The following ELN variants were observed in gnomAD, a reference collection of about 807,000 sequenced individuals.
ELN encodes the protein elastin.
In ELN, 65 loss-of-function variants were observed where a neutral mutation model predicts 105.8. The observed-to-expected ratio is 0.61, with a 90% CI of 0.50 to 0.75. The LOEUF is 0.75. ELN is among the 30% of genes least tolerant of loss of function. The pLI, the probability that ELN is intolerant of heterozygous loss-of-function variation, is 0.00. For missense variants in ELN, 882 were observed against 969.4 expected (o/e 0.91, Z 1.20); for synonymous variants, 368 against 389.2 (o/e 0.95, Z 0.64).
At chr7:74,067,285 TG>T (rs1798164013) in intron 32 of ELN, among the ~76,000 whole-genome samples, 1 of 148,964 alleles carries the variant, frequency 6.7e-6, no homozygotes, top group African/African-American at 2.5e-5. Flanking sequence ...TTTTTTTTTT[TG>T]AGATGGAGTC....
At position 74,060,458 on chromosome 7, in the gene ELN, T is replaced by A. The variant is rs955088925; in HGVS notation, c.1704T>A (p.Val568=). The change falls in exon 25 of 33, where the codon GTT becomes GTA. Residue 568 remains valine (V), a synonymous_variant. Coordinates refer to ENST00000252034, the MANE Select transcript of ELN (RefSeq NM_000501.4). ...GVPGLGVGAG[V]PGLGVGAGVP... is the part of the protein sequence containing the mutation. The stretch of plus-strand genomic sequence containing the variant: ...CTGGACTTGGAGTTGGTGCTGGTGT[T>A]CCTGGACTTGGAGTTGGTGCTGGTG... The A allele has an allele frequency of 6.2e-7, 1 of 1,613,590 alleles. No individual in the cohort carries two copies. The highest frequency in any genetic ancestry group is 1.3e-5 in the African/African-American group (1 of 74,912).
rs781999203 is a variant in ELN, at chr7:74,060,656, G to A, written c.1747+155G>A. The A allele has an allele frequency of 2.3e-5, 36 of 1,545,774 alleles. 1 individual carries two copies. In the Middle Eastern group the frequency reaches 4.8e-3, roughly 208 times the overall value. Reference sequence around the variant, plus strand: ...TAAGCATCTGGGGGTAACAGATAGCGGGAGGAGGGCAGACCAGGCCAAGGG... The same window carrying A: ...TAAGCATCTGGGGGTAACAGATAGCAGGAGGAGGGCAGACCAGGCCAAGGG... On this transcript the variant is annotated intron_variant, in intron 25 of 32. Transcript: ENST00000252034.
chr7:74,039,002 G>A (rs958212552), intron 4 of ELN, among the ~76,000 whole-genome samples: 1 of 152,174 alleles, frequency 6.6e-6, no homozygotes, highest in African/African-American at 2.4e-5. Flanking sequence ...GTCTTTGACG[G>A]TGAAGAGAGG....
At chr7:74,058,000 G>A (rs1411284954) in intron 22 of ELN, among the ~76,000 whole-genome samples, 1 of 151,986 alleles carries the variant, frequency 6.6e-6, no homozygotes, top group Non-Finnish European at 1.5e-5. Flanking sequence ...AGGGACTCCA[G>A]TTCTCCCCCT....
In ELN at chr7:74,063,412, GC is replaced by G. The variant is rs1554686580; in HGVS notation, c.1918+48del. ...GTGGGAGCTGCCGCCAGGCCCCCAG[GC>G]CCCCAGGGTGTGGGAGGAGCTTCTG... On this transcript the variant is annotated intron_variant, in intron 28 of 32. Transcript: ENST00000252034. This position sits in a 1 kb window ranked among gnomAD's most constrained non-coding sequence, Gnocchi z 4.1. 6.5e-7 allele frequency: 1 copy of G among 1,544,926 alleles called. No individual in the cohort carries two copies. Among genetic ancestry groups the G allele is most frequent in the South Asian group, 1.2e-5 (1 of 84,510 alleles).
At chr7:74,047,649 C>T in intron 12 of ELN, 26 bp from the exon 13 acceptor site, 1 of 1,614,178 alleles carries the variant, frequency 6.2e-7, no homozygotes, top group Non-Finnish European at 8.5e-7. Context: ...GGGGCAGCCC[C>T]TGAGTTTGCT....
At chr7:74,032,242 T>C (rs782004035) in intron 1 of ELN, among the ~76,000 whole-genome samples, 25 of 152,104 alleles carry the variant, frequency 1.6e-4, no homozygotes, top group Admixed American at 4.6e-4. Flanking sequence ...ACAAGACAAG[T>C]GTTCTCCAGG....
intron 13 of ELN, 94 bp downstream of exon 13, chr7:74,047,810 G>A: frequency 6.4e-7 from 1 of 1,567,554 alleles, no homozygotes; most frequent in Non-Finnish European, 8.8e-7. Context: ...GGCCAGGAGA[G>A]CACCTCGCTG....
Position 74,056,325 on chromosome 7 carries a change from G to C in ELN, c.1205G>C (p.Gly402Ala). ...ATTCCTACTTACGGGGTTGGAGCTG[G>C]GGGCTTTCCCGGCTTTGGTGTCGGA... ...GGIPTYGVGA[G>A]GFPGFGVGVG... Residue 402 changes from glycine (G) to alanine (A), a missense_variant, in exon 20 of 33, where the codon GGG becomes GCG. Coordinates refer to ENST00000252034, the MANE Select transcript of ELN (RefSeq NM_000501.4). The C allele has an allele frequency of 6.2e-7, 1 of 1,614,144 alleles. No homozygotes were observed. The highest frequency in any genetic ancestry group is 8.5e-7 in the Non-Finnish European group (1 of 1,180,024).
chr7:74,060,127 C>A lies in ELN; in HGVS notation c.1577-13C>A, dbSNP rs1796300208. ...GCCTCCATCTCTAATCCCCCTCTCT[C>A]TCCCTCCCTCAGCTGCAGCAAAATC... On this transcript the variant is annotated splice_polypyrimidine_tract_variant and intron_variant, in intron 23 of 32. Transcript: ENST00000252034. The A allele has an allele frequency of 1.2e-6, 2 of 1,614,056 alleles. No individual in the cohort carries two copies. The highest frequency in any genetic ancestry group is 1.7e-6 in the Non-Finnish European group (2 of 1,180,048).
At chr7:74,066,982 G>T (rs933652213) in intron 32 of ELN, among the ~76,000 whole-genome samples, 3 of 152,172 alleles carry the variant, frequency 2.0e-5, no homozygotes, top group Admixed American at 2.0e-4. Context: ...GGGAACATTT[G>T]CTTTTTAAAA....
intron 4 of ELN, among the ~76,000 whole-genome samples, chr7:74,039,444 A>G (rs983379729): frequency 4.6e-5 from 7 of 152,248 alleles, no homozygotes; most frequent in African/African-American, 1.4e-4. Flanking sequence ...CCGGGCTGCC[A>G]GGACGTCTGG....
chr7:74,056,750 T>G, intron 21 of ELN, 37 bp downstream of exon 21: 1 of 1,613,060 alleles, frequency 6.2e-7, no homozygotes, highest in South Asian at 1.1e-5. Context: ...CAAGTCCTGC[T>G]CTCCCGCGGG....
intron 29 of ELN, among the ~76,000 whole-genome samples, chr7:74,065,422 C>T (rs1351678447): frequency 6.6e-6 from 1 of 151,856 alleles, no homozygotes; most frequent in Non-Finnish European, 1.5e-5. Flanking sequence ...CGCGACCAGC[C>T]TGGCCAACAT....
chr7:74,040,321 G>A (rs976323500), intron 4 of ELN, among the ~76,000 whole-genome samples: 5 of 152,224 alleles, frequency 3.3e-5, no homozygotes, highest in South Asian at 2.1e-4. Flanking sequence ...GCTGGGAAGT[G>A]ACTCCTGCCT....
In ELN at chr7:74,061,100, G is replaced by C; in HGVS notation, c.1748-1G>C. 1 of 1,614,150 alleles carries C rather than the reference G, an allele frequency of 6.2e-7. No homozygotes were observed. Among genetic ancestry groups the C allele is most frequent in the Non-Finnish European group, 8.5e-7 (1 of 1,180,048 alleles). ...ACTCCCCAACTTTTCTTTCTCCCCA[G>C]TACCTGGAGCCCTGGCTGCCGCTAA... On this transcript the variant is annotated splice_acceptor_variant, in intron 25 of 32. Transcript: ENST00000252034. LOFTEE classifies it high-confidence loss of function.
intron 15 of ELN, among the ~76,000 whole-genome samples, chr7:74,048,903 TCATCCATC>T (rs1325839246): frequency 6.9e-6 from 1 of 144,590 alleles, no homozygotes; most frequent in Admixed American, 6.8e-5. Context: ...CTCCATCCAT[TCATCCATC>T]CATCCATCCA....
intron 5 of ELN, 141 bp downstream of exon 5, chr7:74,041,392 C>A: frequency 3.9e-6 from 4 of 1,034,852 alleles, no homozygotes; most frequent in Non-Finnish European, 5.8e-6. Flanking sequence ...GATGCTGATA[C>A]CAACTGCCCC....
rs782146064 is a variant in ELN, at chr7:74,042,645, G to A, written c.264G>A (p.Pro88=). Residue 88 remains proline (P), a synonymous_variant, in exon 6 of 33, where the codon CCG becomes CCA. Coordinates refer to ENST00000252034, the MANE Select transcript of ELN (RefSeq NM_000501.4). ...GCGCCTTCCCCGCAGTTACCTTTCC[G>A]GGGGCTCTGGTGCCTGGTGGAGTGG... The part of the protein sequence containing the change: ...GLGAFPAVTF[P]GALVPGGVAD... The A allele has an allele frequency of 1.4e-5, 23 of 1,613,404 alleles. No homozygotes were observed. Among genetic ancestry groups the A allele is most frequent in the African/African-American group, 4.0e-5 (3 of 74,904 alleles).
Sources: allele counts gnomAD v4.1 joint callset (sites outside exome capture counted in the v4.1 genomes callset), GRCh38; gene constraint gnomAD v4.1.1; non-coding constraint Gnocchi (gnomAD v3.1); transcripts MANE v1.5; gene names NCBI Gene and HGNC (gene_info 2026-07-23, HGNC 2026-07-21).